Variants in SGCD observed in about 807,000 individuals in gnomAD.
SGCD encodes the protein delta-sarcoglycan.
A neutral mutation model predicts 36.6 loss-of-function variants in SGCD; 18 were observed. The observed-to-expected ratio is 0.49, with a 90% CI of 0.34 to 0.73. SGCD has a LOEUF of 0.73. Among genes scored for constraint, SGCD ranks in the 30% least tolerant of loss-of-function variants. The pLI, the probability that SGCD is intolerant of heterozygous loss-of-function variation, is 0.01. For missense variants in SGCD, 387 were observed against 346.7 expected, an observed-to-expected ratio of 1.12 and a Z score of -0.92; for synonymous variants, 133 against 130.6, an observed-to-expected ratio of 1.02 and a Z score of -0.12.
At chr5:155,795,128 C>T in the SGCD span, among the ~76,000 whole-genome samples, 1 of 151,948 alleles carries the variant, frequency 6.6e-6, no homozygotes, top group East Asian at 1.9e-4. Context: ...ACATTTTAGA[C>T]AAAAACTGAA....
intron 3 of SGCD, among the ~76,000 whole-genome samples, chr5:156,243,007 G>T (rs1166461187): frequency 6.6e-6 from 1 of 152,238 alleles, no homozygotes; most frequent in Non-Finnish European, 1.5e-5. Flanking sequence ...ATGGGAGGTT[G>T]AAGGGGTGAC....
intron 3 of SGCD, among the ~76,000 whole-genome samples, chr5:156,368,532 C>T (rs1770224439): frequency 6.6e-6 from 1 of 152,194 alleles, no homozygotes; most frequent in African/African-American, 2.4e-5. Flanking sequence ...CTTATTCTGT[C>T]AAGGCTTCTG....
chr5:156,116,407 C>T (rs1462143174), intron 1 of SGCD, among the ~76,000 whole-genome samples: 2 of 152,096 alleles, frequency 1.3e-5, no homozygotes, highest in African/African-American at 4.8e-5. Context: ...TTCCTATTGA[C>T]ATCCCCATGC....
At chr5:155,912,446 G>A (rs1756649388) in intron 1 of SGCD, among the ~76,000 whole-genome samples, 1 of 152,056 alleles carries the variant, frequency 6.6e-6, no homozygotes. Flanking sequence ...TTCCTATTGG[G>A]GCATGAACAC....
intron 1 of SGCD, among the ~76,000 whole-genome samples, chr5:155,992,568 C>T (rs1758455207): frequency 2.0e-5 from 3 of 152,128 alleles, no homozygotes; most frequent in Admixed American, 1.3e-4. Context: ...GGAATTCCCC[C>T]TACCATGAGG....
At chr5:155,904,459 A>G (rs555395761) in intron 1 of SGCD, among the ~76,000 whole-genome samples, 90 of 152,320 alleles carry the variant, frequency 5.9e-4, no homozygotes, top group Non-Finnish European at 1.2e-3. Flanking sequence ...ACTTCCTTCT[A>G]ATGGTTAAAG....
intron 3 of SGCD, among the ~76,000 whole-genome samples, chr5:156,280,113 C>A (rs1766414675): frequency 6.6e-6 from 1 of 151,892 alleles, no homozygotes; most frequent in Non-Finnish European, 1.5e-5. Context: ...TTGCATTGAC[C>A]AATATGTGCC....
chr5:155,799,806 A>G, the SGCD span, among the ~76,000 whole-genome samples: 4 of 85,120 alleles, frequency 4.7e-5, no homozygotes, highest in Admixed American at 3.9e-4. Context: ...TCTACTTCCT[A>G]TTCCCCTTTT....
At chr5:155,982,570 C>T (rs189736259) in intron 1 of SGCD, among the ~76,000 whole-genome samples, 1 of 152,296 alleles carries the variant, frequency 6.6e-6, no homozygotes, top group East Asian at 1.9e-4. Context: ...AGCCAGCTCT[C>T]TCTCTCCAGG....
the SGCD span, among the ~76,000 whole-genome samples, chr5:155,820,469 G>A: frequency 6.6e-6 from 1 of 151,992 alleles, no homozygotes; most frequent in African/African-American, 2.4e-5. Context: ...AGACTAGCCT[G>A]GGCAACATGG....
At chr5:156,313,261 C>A (rs1767436626) in intron 3 of SGCD, among the ~76,000 whole-genome samples, 2 of 152,034 alleles carry the variant, frequency 1.3e-5, no homozygotes, top group Admixed American at 1.3e-4. Context: ...ATCTTAAAAG[C>A]TGTGAAGACA....
chr5:156,212,619 G>T (rs1008581668), intron 3 of SGCD, among the ~76,000 whole-genome samples: 1 of 151,998 alleles, frequency 6.6e-6, no homozygotes, highest in African/African-American at 2.4e-5. Flanking sequence ...GGAAACATCA[G>T]ATATAAACTA....
chr5:156,571,202 C>T (rs1759707829), intron 4 of SGCD, among the ~76,000 whole-genome samples: 1 of 152,018 alleles, frequency 6.6e-6, no homozygotes, highest in Admixed American at 6.6e-5. Context: ...TGTGCTATCG[C>T]ACCCAGCTAA....
chr5:156,414,021 C>T (rs1041545388), intron 3 of SGCD, among the ~76,000 whole-genome samples: 5 of 152,152 alleles, frequency 3.3e-5, no homozygotes, highest in Admixed American at 2.0e-4. Context: ...AGTTTCTGAG[C>T]TTGCAGAAAG....
At chr5:155,841,164 A>G in the SGCD span, among the ~76,000 whole-genome samples, 2 of 152,154 alleles carry the variant, frequency 1.3e-5, no homozygotes, top group South Asian at 2.1e-4. Context: ...CTGAAAATCA[A>G]TGGGCACAAT....
intron 3 of SGCD, among the ~76,000 whole-genome samples, chr5:156,360,945 C>G (rs890655943): frequency 3.3e-5 from 5 of 152,138 alleles, no homozygotes; most frequent in African/African-American, 1.2e-4. Flanking sequence ...TTTGCTCTCA[C>G]TGACAGAGGG....
At chr5:155,806,527 G>A in the SGCD span, among the ~76,000 whole-genome samples, 1 of 151,638 alleles carries the variant, frequency 6.6e-6, no homozygotes, top group African/African-American at 2.4e-5. Flanking sequence ...AATTAACAAT[G>A]TCAGAAAATA....
intron 1 of SGCD, among the ~76,000 whole-genome samples, chr5:155,948,425 G>A (rs1052186959): frequency 6.6e-6 from 1 of 152,118 alleles, no homozygotes; most frequent in African/African-American, 2.4e-5. Flanking sequence ...ATCTCCTGTT[G>A]CCCATGTTTA....
intron 3 of SGCD, among the ~76,000 whole-genome samples, chr5:156,321,508 G>C (rs1489087799): frequency 1.3e-5 from 2 of 152,130 alleles, no homozygotes; most frequent in Non-Finnish European, 2.9e-5. Context: ...TTGGTATTTT[G>C]TCATCCATAA....
Sources: gnomAD v4.1 joint callset for allele counts (sites outside exome capture counted in the v4.1 genomes callset) on GRCh38, gnomAD v4.1.1 for gene constraint, MANE v1.5 for transcripts, NCBI Gene and HGNC (gene_info 2026-07-23, HGNC 2026-07-21) for gene names.